DNAH5: variants seen among roughly 807,000 people sequenced by gnomAD.
The protein encoded by DNAH5 is axonemal beta dynein heavy chain 5.
Under a neutral mutation model 518.2 loss-of-function variants are expected in DNAH5, and 372 were observed. The observed-to-expected ratio is 0.72, with a 90% CI of 0.66 to 0.78. The LOEUF (loss-of-function observed/expected upper bound fraction) is 0.78, where lower values mean the gene tolerates loss of function less well. Among genes scored for constraint, DNAH5 ranks in the 30% least tolerant of loss-of-function variants. The pLI is 0.00. For missense variants in DNAH5, 5,523 were observed against 5,687.0 expected, an observed-to-expected ratio of 0.97 and a Z score of 0.93; for synonymous variants, 2,039 against 2,025.9, an observed-to-expected ratio of 1.01 and a Z score of -0.17.
Position 13,768,943 on chromosome 5 carries a change from A to G in DNAH5, c.9897+17T>C. 2 of 1,614,046 alleles carry G rather than the reference A, an allele frequency of 1.2e-6. No homozygotes were observed. Among genetic ancestry groups the G allele is most frequent in the Non-Finnish European group, 1.7e-6 (2 of 1,179,922 alleles). ...TTAAGCCCTAAAGCTGACATCTGTT[A>G]TATCACATAGATGCACCTGCAATGC... On this transcript the variant is annotated intron_variant, in intron 58 of 78. Coordinates refer to ENST00000265104, the MANE Select transcript of DNAH5 (RefSeq NM_001369.3).
intron 15 of DNAH5, among the ~76,000 whole-genome samples, chr5:13,896,140 G>C (rs577233059): frequency 1.3e-5 from 2 of 152,066 alleles, no homozygotes; most frequent in Admixed American, 1.3e-4. Flanking sequence ...GTACAGTTTA[G>C]CAGCAAAAAT....
intron 40 of DNAH5, among the ~76,000 whole-genome samples, chr5:13,821,788 T>C (rs1467217266): frequency 6.6e-6 from 1 of 152,192 alleles, no homozygotes; most frequent in African/African-American, 2.4e-5. Flanking sequence ...GCTTAGCTTT[T>C]TTATATTTTT....
intron 4 of DNAH5, among the ~76,000 whole-genome samples, chr5:13,922,948 C>T (rs1269895614): frequency 1.3e-5 from 2 of 151,896 alleles, no homozygotes; most frequent in African/African-American, 2.4e-5. Flanking sequence ...TATATATCCA[C>T]TTTCAGAAAT....
Position 13,700,908 on chromosome 5 carries a change from A to C in DNAH5, c.13492-37T>G, listed in dbSNP as rs752067431. 8 of 1,599,904 alleles carry C rather than the reference A, an allele frequency of 5.0e-6. No homozygotes were observed. In the South Asian group the frequency reaches 7.7e-5, roughly 15 times the overall value. On this transcript the variant is annotated intron_variant, in intron 77 of 78. Coordinates refer to ENST00000265104, the MANE Select transcript of DNAH5 (RefSeq NM_001369.3). ...AGCAAAAGATGAATGGAGCGGTTAG[A>C]GGTTTGTCTTAATAGAAAGAGCATA...
intron 11 of DNAH5, 103 bp downstream of exon 11, chr5:13,913,640 T>G (rs1273593348): frequency 7.3e-7 from 1 of 1,373,392 alleles, no homozygotes. Flanking sequence ...ATATTTTACT[T>G]TACAGACTGA....
chr5:13,822,032 T>G (rs897488672), intron 40 of DNAH5, among the ~76,000 whole-genome samples: 1 of 152,122 alleles, frequency 6.6e-6, no homozygotes, highest in Non-Finnish European at 1.5e-5. Context: ...TCCCCCAACG[T>G]TGGCCTATCA....
chr5:13,801,264 G>A (rs1758707957), intron 47 of DNAH5, among the ~76,000 whole-genome samples: 1 of 152,152 alleles, frequency 6.6e-6, no homozygotes, highest in African/African-American at 2.4e-5. Flanking sequence ...TTAAAGGTGT[G>A]TAGCACCTCC....
At chr5:13,724,294 C>T (rs1377843417) in intron 70 of DNAH5, among the ~76,000 whole-genome samples, 3 of 152,216 alleles carry the variant, frequency 2.0e-5, no homozygotes, top group Non-Finnish European at 2.9e-5. Flanking sequence ...TTAAGGACTG[C>T]CCTGCTGTGT....
In DNAH5 at chr5:13,758,977, A is replaced by C; in HGVS notation, c.10288T>G (p.Leu3430Val). The change falls in exon 61 of 79, where the codon TTG becomes GTG. Residue 3430 changes from leucine (L) to valine (V), a missense_variant. Leu to Val is a conservative substitution (Grantham distance 32). Around this residue, in one of 3 missense-constraint regions of DNAH5, gnomAD observed 5,121 missense variants for 5,223.3 expected, o/e 0.98. Coordinates refer to ENST00000265104, the MANE Select transcript of DNAH5 (RefSeq NM_001369.3). The stretch of plus-strand genomic sequence containing the variant: ...AGATGGCGATTCTCTTGCACCACCA[A>C]GTTGGCCTGCACAGGACACACACAG... ...NKEVLPLKAN[L>V]VVQENRHLLA... 1 of 1,614,128 alleles carries C rather than the reference A, an allele frequency of 6.2e-7. No individual in the cohort carries two copies. The highest frequency in any genetic ancestry group is 1.1e-5 in the South Asian group (1 of 91,086).
chr5:13,735,283 T>A lies in DNAH5; in HGVS notation c.11609A>T (p.Asn3870Ile). 2.5e-6 allele frequency: 4 copies of A among 1,614,122 alleles called. No homozygotes were observed. The highest frequency in any genetic ancestry group is 3.4e-6 in the Non-Finnish European group (4 of 1,180,000). Residue 3870 changes from asparagine (N) to isoleucine (I), a missense_variant, in exon 68 of 79, where the codon AAT (asparagine) becomes ATT (isoleucine). Asn to Ile is a moderately radical substitution (Grantham distance 149). This residue lies in a region of DNAH5 where 5,121 missense variants were observed against 5,223.3 expected (regional missense o/e 0.98). Coordinates refer to ENST00000265104, the MANE Select transcript of DNAH5 (RefSeq NM_001369.3). ...KSPITSKRIA[N>I]IIEHMTYEVY... ...CTCGTAGGTCATGTGCTCGATGATATTAGCAATCCTCTTGCTTGTAATCGG... is the reference window on the plus strand; with the variant it reads ...CTCGTAGGTCATGTGCTCGATGATAATAGCAATCCTCTTGCTTGTAATCGG...
At chr5:13,779,234 C>G (rs1257045248) in intron 53 of DNAH5, among the ~76,000 whole-genome samples, 1 of 152,172 alleles carries the variant, frequency 6.6e-6, no homozygotes, top group East Asian at 1.9e-4. Context: ...AGCTTGATTT[C>G]TAACCAAAAA....
intron 1 of DNAH5, among the ~76,000 whole-genome samples, chr5:14,011,161 C>T (rs894090970): frequency 4.6e-5 from 7 of 152,156 alleles, no homozygotes; most frequent in Non-Finnish European, 7.3e-5. Flanking sequence ...CTCCCTCTCT[C>T]CAGGGGAACT....
intron 55 of DNAH5, among the ~76,000 whole-genome samples, chr5:13,774,628 G>A (rs954981926): frequency 3.3e-5 from 5 of 152,116 alleles, no homozygotes; most frequent in South Asian, 4.1e-4. Context: ...CAATATGTAC[G>A]TTCCGAATAA....
upstream of DNAH5, among the ~76,000 whole-genome samples, chr5:13,949,682 C>T (rs1207594870): frequency 1.3e-5 from 2 of 152,110 alleles, no homozygotes; most frequent in Non-Finnish European, 1.5e-5. Context: ...TGGGGCTAAA[C>T]GCACTTTCCA....
At chr5:13,906,135 G>T (rs1580830663) in intron 12 of DNAH5, among the ~76,000 whole-genome samples, 1 of 152,196 alleles carries the variant, frequency 6.6e-6, no homozygotes, top group Admixed American at 6.5e-5. Context: ...GAGCACAGGG[G>T]ACTTTTCGGT....
chr5:13,945,084 C>T (rs1224921561), upstream of DNAH5, among the ~76,000 whole-genome samples: 1 of 152,216 alleles, frequency 6.6e-6, no homozygotes, highest in Non-Finnish European at 1.5e-5. Flanking sequence ...AAGTCTGTTT[C>T]ATATGCAAAT....
chr5:13,749,182 A>C (rs1749854486), intron 65 of DNAH5, among the ~76,000 whole-genome samples: 2 of 152,194 alleles, frequency 1.3e-5, no homozygotes, highest in Admixed American at 1.3e-4. Flanking sequence ...GAACAAAATA[A>C]ATAAAGGTTA....
Position 13,844,912 on chromosome 5 carries a change from C to A in DNAH5, c.5196G>T (p.Ala1732=), listed in dbSNP as rs201484389. The change falls in exon 32 of 79, where the codon GCG becomes GCT. Residue 1732 remains alanine, a synonymous_variant. Transcript: ENST00000265104. ...DPALLEILGQ[A]SDSHTIQAHL... Reference sequence around the variant, plus strand: ...GGGCCTGTATAGTGTGGGAGTCCGACGCCTGCCCCAGAATCTCTAGAAGGG... The same window carrying A: ...GGGCCTGTATAGTGTGGGAGTCCGAAGCCTGCCCCAGAATCTCTAGAAGGG... 636 of 1,614,146 alleles carry A rather than the reference C, an allele frequency of 3.9e-4. No homozygotes were observed. The highest frequency in any genetic ancestry group is 5.2e-4 in the Non-Finnish European group (608 of 1,180,016).
intron 27 of DNAH5, 88 bp downstream of exon 27, chr5:13,865,579 GC>G: frequency 1.2e-6 from 1 of 828,666 alleles, no homozygotes; most frequent in Non-Finnish European, 2.2e-6. Flanking sequence ...TTTTGAAATA[GC>G]TGGGGTGAAA....
Sources: gnomAD v4.1 joint callset for allele counts (sites outside exome capture counted in the v4.1 genomes callset) on GRCh38, gnomAD v4.1.1 for gene constraint, gnomAD v4.1.1 regional missense constraint, MANE v1.5 for transcripts, NCBI Gene and HGNC (gene_info 2026-07-23, HGNC 2026-07-21) for gene names.